The following GDAP1 variants were observed in gnomAD, a reference collection of about 807,000 sequenced individuals.
GDAP1 encodes ganglioside-induced differentiation-associated protein 1.
Under a neutral mutation model 40.1 loss-of-function variants are expected in GDAP1, and 34 were observed. The observed-to-expected ratio is 0.85, with a 90% confidence interval of 0.64 to 1.13. The LOEUF (loss-of-function observed/expected upper bound fraction) is 1.13. Among genes scored for constraint, GDAP1 ranks in the 50% most tolerant of loss-of-function variants. The pLI, the probability that GDAP1 is intolerant of heterozygous loss-of-function variation, is 0.00. For missense variants in GDAP1, 374 were observed against 433.7 expected (o/e 0.86, Z 1.22); for synonymous variants, 170 against 157.4 (o/e 1.08, Z -0.60).
downstream of GDAP1, among the ~76,000 whole-genome samples, chr8:74,371,542 C>G (rs905319237): frequency 1.7e-4 from 26 of 151,826 alleles, no homozygotes; most frequent in Non-Finnish European, 3.8e-4. Flanking sequence ...CGCCTGTAGT[C>G]CCAGCTACTT....
At chr8:74,422,344 T>C (rs58101950) in intron 2 of GDAP1, among the ~76,000 whole-genome samples, 2,563 of 48,172 alleles carry the variant, frequency 0.053, 74 homozygotes, top group African/African-American at 0.12. Context: ...TTTCTTTCTT[T>C]CTTTCTTCCC....
intron 2 of GDAP1, among the ~76,000 whole-genome samples, chr8:74,407,704 C>G (rs373168408): frequency 1.6e-5 from 1 of 60,980 alleles, no homozygotes; most frequent in Non-Finnish European, 4.4e-5. Context: ...AAAACCCTGA[C>G]TAATATACCT....
intron 2 of GDAP1, among the ~76,000 whole-genome samples, chr8:74,431,939 T>C (rs1806031949): frequency 6.6e-6 from 1 of 152,230 alleles, no homozygotes; most frequent in South Asian, 2.1e-4. Context: ...CTCATAGTAT[T>C]ATTACCTCAT....
At chr8:74,361,586 G>A (rs1474805354) in intron 3 of GDAP1, among the ~76,000 whole-genome samples, 4 of 152,028 alleles carry the variant, frequency 2.6e-5, no homozygotes, top group Non-Finnish European at 5.9e-5. Context: ...TAGTAGAGAC[G>A]GGGTTTCACC....
chr8:74,358,334 A>G (rs1318671247), intron 2 of GDAP1, among the ~76,000 whole-genome samples: 1 of 152,244 alleles, frequency 6.6e-6, no homozygotes, highest in African/African-American at 2.4e-5. Context: ...AAGCAGCCAG[A>G]GCCACTAGCC....
intron 2 of GDAP1, among the ~76,000 whole-genome samples, chr8:74,449,040 G>A (rs1442703179): frequency 1.3e-5 from 2 of 151,818 alleles, no homozygotes; most frequent in African/African-American, 2.4e-5. Flanking sequence ...GTGTGAAGGA[G>A]GCTCCAAGGT....
chr8:74,411,524 A>AATATAT lies in GDAP1; in HGVS notation c.165+60219_165+60224dup, dbSNP rs57240234. 3.5e-3 allele frequency among the ~76,000 whole-genome samples: 506 copies of AATATAT among 143,258 alleles called. 29 individuals are homozygous for AATATAT. Among genetic ancestry groups the AATATAT allele is most frequent in the African/African-American group, 0.013 (454 of 36,316 alleles). 94.0% of individuals were successfully genotyped at this position (143,258 alleles called of 152,430 possible). ...ACTAGTATTTACTATTTATTAAGCA[A>AATATAT]ATATATATATATATATATATACACA... On this transcript the variant is annotated intron_variant, in intron 2 of 2. Transcript: ENST00000523640.
At chr8:74,412,084 C>T (rs369090351) in intron 2 of GDAP1, among the ~76,000 whole-genome samples, 4 of 149,562 alleles carry the variant, frequency 2.7e-5, no homozygotes, top group South Asian at 2.1e-4. Flanking sequence ...ATTTTCTTAG[C>T]GATGTCATTC....
intron 2 of GDAP1, among the ~76,000 whole-genome samples, chr8:74,411,176 C>T (rs1321880332): frequency 1.3e-5 from 2 of 150,024 alleles, no homozygotes; most frequent in Non-Finnish European, 2.9e-5. Flanking sequence ...CCAGCCATGC[C>T]GAACTGTGAG....
chr8:74,469,116 C>A (rs996225529), intron 2 of GDAP1, among the ~76,000 whole-genome samples: 1 of 151,888 alleles, frequency 6.6e-6, no homozygotes, highest in African/African-American at 2.4e-5. Context: ...GGAGTAAACC[C>A]AATTTGGTCT....
chr8:74,408,319 C>T (rs762494405), intron 2 of GDAP1, among the ~76,000 whole-genome samples: 13 of 150,132 alleles, frequency 8.7e-5, no homozygotes, highest in Non-Finnish European at 1.8e-4. Context: ...CAGGGTATCT[C>T]CAAGTGGAGG....
At chr8:74,397,160 A>ACAT (rs1810214725) in intron 2 of GDAP1, among the ~76,000 whole-genome samples, 1 of 150,290 alleles carries the variant, frequency 6.7e-6, no homozygotes, top group Non-Finnish European at 1.5e-5. Flanking sequence ...TCTTCTCTTG[A>ACAT]GAAGTGTCTG....
chr8:74,474,553 T>C (rs551577463), intron 2 of GDAP1, among the ~76,000 whole-genome samples: 1 of 152,310 alleles, frequency 6.6e-6, no homozygotes, highest in South Asian at 2.1e-4. Flanking sequence ...GAGATAATCA[T>C]GTGGTTTTTG....
At chr8:74,374,319 T>C (rs973656601) in intron 2 of GDAP1, among the ~76,000 whole-genome samples, 2 of 152,192 alleles carry the variant, frequency 1.3e-5, no homozygotes, top group Non-Finnish European at 2.9e-5. Context: ...TTGGAATAGT[T>C]TCAGAAGGAA....
chr8:74,385,082 T>G (rs1302640134), intron 2 of GDAP1, among the ~76,000 whole-genome samples: 3 of 152,200 alleles, frequency 2.0e-5, no homozygotes, highest in African/African-American at 7.2e-5. Context: ...AAGGAATTTT[T>G]TAAAGATCAT....
intron 4 of GDAP1, 43 bp from the exon 5 acceptor site, chr8:74,362,896 G>C: frequency 1.3e-6 from 1 of 787,396 alleles, no homozygotes; most frequent in South Asian, 1.3e-5. Flanking sequence ...TTTTTTAAAG[G>C]TGCAAATAAT....
chr8:74,469,221 G>GT (rs904010236), intron 2 of GDAP1, among the ~76,000 whole-genome samples: 57 of 151,692 alleles, frequency 3.8e-4, no homozygotes, highest in African/African-American at 1.3e-3. Context: ...TTGGTCTGTA[G>GT]TTTTTTTTCC....
intron 2 of GDAP1, among the ~76,000 whole-genome samples, chr8:74,442,418 T>A (rs1222499853): frequency 6.6e-6 from 1 of 152,206 alleles, no homozygotes; most frequent in African/African-American, 2.4e-5. Context: ...CTTCCGACAC[T>A]TTTTTTGTTC....
At chr8:74,371,168 T>C, downstream of GDAP1, among the ~76,000 whole-genome samples, 1 of 152,234 alleles carries the variant, frequency 6.6e-6, no homozygotes. Context: ...GCATATGGAA[T>C]GCTCATCAAA....
Sources: allele counts gnomAD v4.1 joint callset (sites outside exome capture counted in the v4.1 genomes callset), GRCh38; gene constraint gnomAD v4.1.1; transcripts MANE v1.5; gene names NCBI Gene and HGNC (gene_info 2026-07-23, HGNC 2026-07-21).